The following MMD2 variants were observed in gnomAD, a reference collection of about 807,000 sequenced individuals.
The protein encoded by MMD2 is monocyte to macrophage differentiation associated 2, also known as monocyte to macrophage differentiation factor 2.
Under a neutral mutation model 33.5 loss-of-function variants are expected in MMD2, and 30 were observed. That is an observed-to-expected ratio of 0.90 (90% CI 0.67 to 1.22). MMD2 has a LOEUF of 1.22. MMD2 is among the 50% of genes most tolerant of loss of function. The pLI, the probability that MMD2 is intolerant of heterozygous loss-of-function variation, is 0.00. For synonymous variants in MMD2, 129 were observed against 123.0 expected (o/e 1.05, Z -0.32); for missense variants, 364 against 325.4 (o/e 1.12, Z -0.91).
chr7:4,944,189 C>T (rs915013605), intron 1 of MMD2, among the ~76,000 whole-genome samples: 3 of 151,620 alleles, frequency 2.0e-5, no homozygotes, highest in Non-Finnish European at 2.9e-5. Context: ...GAGGGAGGAT[C>T]GCTTGAGCCC....
intron 1 of MMD2, among the ~76,000 whole-genome samples, chr7:4,948,333 C>A (rs1423458774): frequency 6.6e-6 from 1 of 152,064 alleles, no homozygotes; most frequent in Non-Finnish European, 1.5e-5. Flanking sequence ...TAGAGACCAG[C>A]CTTGGGGGGG....
At chr7:4,952,689 A>AT (rs36030563) in intron 1 of MMD2, among the ~76,000 whole-genome samples, 1,722 of 110,574 alleles carry the variant, frequency 0.016, 28 homozygotes, top group Non-Finnish European at 0.023. Context: ...TCCGTATGAG[A>AT]TTTTTTTTTT....
intron 1 of MMD2, among the ~76,000 whole-genome samples, chr7:4,948,086 G>A (rs1786141235): frequency 6.6e-6 from 1 of 152,002 alleles, no homozygotes; most frequent in Non-Finnish European, 1.5e-5. Flanking sequence ...ATGAGAAACC[G>A]CCCCCATGAT....
At chr7:4,901,227 G>A (rs1784790203), downstream of MMD2, among the ~76,000 whole-genome samples, 1 of 151,850 alleles carries the variant, frequency 6.6e-6, no homozygotes, top group African/African-American at 2.4e-5. Context: ...GATCACTTGA[G>A]GTCAGGAGTT....
intron 3 of MMD2, among the ~76,000 whole-genome samples, chr7:4,919,435 T>C (rs1054321699): frequency 6.6e-6 from 1 of 151,282 alleles, no homozygotes; most frequent in Admixed American, 6.6e-5. Flanking sequence ...CCAGGCATGA[T>C]GGCACACACC....
intron 1 of MMD2, among the ~76,000 whole-genome samples, chr7:4,937,447 AAAGG>A (rs376707629): frequency 3.3e-5 from 5 of 151,846 alleles, no homozygotes; most frequent in African/African-American, 9.7e-5. Context: ...AGAAAGGAAG[AAAGG>A]AAGGAAGGAA....
At chr7:4,948,416 G>A (rs771949539) in intron 1 of MMD2, among the ~76,000 whole-genome samples, 3 of 152,102 alleles carry the variant, frequency 2.0e-5, no homozygotes, top group Non-Finnish European at 4.4e-5. Flanking sequence ...CCAGCTACTC[G>A]GGAGGCTGAG....
chr7:4,931,230 C>G (rs931498520), intron 1 of MMD2, among the ~76,000 whole-genome samples: 1 of 152,098 alleles, frequency 6.6e-6, no homozygotes, highest in Admixed American at 6.6e-5. Context: ...ACTGCAGCCT[C>G]GACCTCCTGG....
At chr7:4,910,123 G>A in intron 5 of MMD2, 173 bp from the exon 6 acceptor site, 1 of 1,461,064 alleles carries the variant, frequency 6.8e-7, no homozygotes, top group Non-Finnish European at 9.3e-7. Context: ...ACATCCAACA[G>A]GTGCTGGCAG....
chr7:4,941,770 G>A (rs917003537), intron 1 of MMD2, among the ~76,000 whole-genome samples: 12 of 151,538 alleles, frequency 7.9e-5, no homozygotes, highest in African/African-American at 2.9e-4. Context: ...TGCATGTCAC[G>A]GGGGTCTGGT....
At chr7:4,913,907 C>T (rs1490698059) in intron 4 of MMD2, among the ~76,000 whole-genome samples, 3 of 151,960 alleles carry the variant, frequency 2.0e-5, no homozygotes, top group Non-Finnish European at 2.9e-5. Context: ...ATGATCTGCC[C>T]ACCACAGCCT....
chr7:4,898,117 A>G, the MMD2 span, among the ~76,000 whole-genome samples: 1 of 152,174 alleles, frequency 6.6e-6, no homozygotes, highest in African/African-American at 2.4e-5. Flanking sequence ...CTGGGTCTCT[A>G]GGACCACCTA....
At chr7:4,945,185 T>TTTCCTCTTCTTCTTCTTCTTC (rs1554273329) in intron 1 of MMD2, among the ~76,000 whole-genome samples, 1 of 93,480 alleles carries the variant, frequency 1.1e-5, no homozygotes, top group Non-Finnish European at 2.1e-5. Flanking sequence ...CCTCTTCCTC[T>TTTCCTCTTCTTCTTCTTCTTC]TTCTTCTTCT....
At chr7:4,908,724 C>T (rs947888360) in intron 6 of MMD2, among the ~76,000 whole-genome samples, 19 of 151,762 alleles carry the variant, frequency 1.3e-4, no homozygotes, top group South Asian at 4.2e-4. Flanking sequence ...TAGTGAAACC[C>T]CATCTCTACT....
chr7:4,925,015 C>T (rs1785385242), intron 2 of MMD2, among the ~76,000 whole-genome samples: 1 of 152,112 alleles, frequency 6.6e-6, no homozygotes, highest in Non-Finnish European at 1.5e-5. Context: ...ACTGCAACCT[C>T]CGACTCCTGG....
At chr7:4,943,370 C>T (rs1012206207) in intron 1 of MMD2, among the ~76,000 whole-genome samples, 1 of 151,986 alleles carries the variant, frequency 6.6e-6, no homozygotes, top group Admixed American at 6.6e-5. Flanking sequence ...ATCTCGATCT[C>T]CCGACCTCGT....
chr7:4,947,547 C>G (rs965928606), intron 1 of MMD2, among the ~76,000 whole-genome samples: 2 of 150,614 alleles, frequency 1.3e-5, no homozygotes, highest in African/African-American at 4.9e-5. Context: ...GCGCATGCCT[C>G]CAGGCCCAGC....
chr7:4,902,227 C>T (rs969721280), downstream of MMD2, among the ~76,000 whole-genome samples: 2 of 152,238 alleles, frequency 1.3e-5, no homozygotes, highest in Non-Finnish European at 2.9e-5. Context: ...GCTGGGATTA[C>T]AGGCGAGAGC....
At chr7:4,908,004 C>G (rs1028268855) in intron 6 of MMD2, among the ~76,000 whole-genome samples, 4 of 151,904 alleles carry the variant, frequency 2.6e-5, no homozygotes. Context: ...ATGGGGGCAT[C>G]TCACTATATT....
Sources: gnomAD v4.1 joint callset for allele counts (sites outside exome capture counted in the v4.1 genomes callset) on GRCh38, gnomAD v4.1.1 for gene constraint, MANE v1.5 for transcripts, NCBI Gene and HGNC (gene_info 2026-07-23, HGNC 2026-07-21) for gene names.